Variants in DIP2A observed in about 807,000 individuals in gnomAD.
The protein encoded by DIP2A is DIP2 acetate--CoA ligase A.
DIP2A carries 85 observed loss-of-function variants against 177.4 expected under a neutral mutation model. The ratio of observed to expected loss-of-function variants is 0.48; its 90% confidence interval spans 0.40 to 0.57. The LOEUF (loss-of-function observed/expected upper bound fraction) is 0.57, where lower values mean the gene tolerates loss of function less well. Ranked by LOEUF, DIP2A falls within the 20% of genes least tolerant of loss-of-function variation. The pLI is 0.00. For synonymous variants in DIP2A, 886 were observed against 881.8 expected (o/e 1.00, Z -0.08); for missense variants, 1,791 against 2,100.2 (o/e 0.85, Z 2.88).
Position 46,459,184 on chromosome 21 carries a change from G to T in DIP2A, c.53G>T (p.Arg18Leu), listed in dbSNP as rs760957876. 2.6e-6 allele frequency: 4 copies of T among 1,524,822 alleles called. No homozygotes were observed. The South Asian group carries it at 4.9e-5, about 19-fold the overall frequency. 94.5% of individuals were successfully genotyped at this position (1,524,822 alleles called of 1,614,324 possible). Residue 18 changes from arginine to leucine, a missense_variant, in exon 1 of 38, where the codon CGG (arginine) becomes CTG (leucine). Transcript: ENST00000417564. ...LEAAPLPAEV[R>L]ESLAELELEL... ...GCGGCGCCGCTGCCTGCCGAGGTGC[G>T]GGAGAGCCTGGCTGAGCTGGAGCTG...
At chr21:46,565,969 C>T in intron 36 of DIP2A, 82 bp downstream of exon 36, 3 of 1,481,524 alleles carry the variant, frequency 2.0e-6, no homozygotes, top group Non-Finnish European at 1.9e-6. Context: ...CCTGCTAGCA[C>T]ACCTCACTCC....
chr21:46,560,068 C>T (rs758183030), intron 32 of DIP2A, among the ~76,000 whole-genome samples: 3 of 152,252 alleles, frequency 2.0e-5, no homozygotes, highest in Admixed American at 2.0e-4. Flanking sequence ...ATGCTCATAG[C>T]ATTGCCTTGG....
At chr21:46,486,911 G>T (rs1465649710) in intron 2 of DIP2A, among the ~76,000 whole-genome samples, 1 of 152,188 alleles carries the variant, frequency 6.6e-6, no homozygotes, top group Non-Finnish European at 1.5e-5. Context: ...ACATGCATCA[G>T]CAAGAATGAA....
intron 8 of DIP2A, among the ~76,000 whole-genome samples, chr21:46,517,806 G>A (rs1193943471): frequency 1.3e-5 from 2 of 152,178 alleles, no homozygotes; most frequent in African/African-American, 4.8e-5. Flanking sequence ...TGCTCCAGGT[G>A]GATACTCAGC....
downstream of DIP2A, among the ~76,000 whole-genome samples, chr21:46,571,429 T>C (rs1046140772): frequency 1.3e-5 from 2 of 152,240 alleles, no homozygotes; most frequent in South Asian, 4.1e-4. Flanking sequence ...TTTCTAATTC[T>C]GTGAAGAAAG....
Position 46,459,227 on chromosome 21 carries a change from G to A in DIP2A, c.91+5G>A. ...TGGAGCTGGAGCTGTCGGAAGGTGA[G>A]CCGGACCCCGCCCTCAACCCCCGCG... On this transcript the variant is annotated splice_donor_5th_base_variant and intron_variant, in intron 1 of 37. Coordinates refer to ENST00000417564, the MANE Select transcript of DIP2A (RefSeq NM_015151.4). 1 of 1,521,654 alleles carries A rather than the reference G, an allele frequency of 6.6e-7. No individual in the cohort carries two copies. Among genetic ancestry groups the A allele is most frequent in the Non-Finnish European group, 8.8e-7 (1 of 1,135,514 alleles). 94.3% of individuals were successfully genotyped at this position (1,521,654 alleles called of 1,614,324 possible).
chr21:46,474,110 C>G (rs2055637995), intron 1 of DIP2A, among the ~76,000 whole-genome samples: 1 of 152,106 alleles, frequency 6.6e-6, no homozygotes, highest in Admixed American at 6.6e-5. Context: ...AGAGGGCAAT[C>G]AGAAGTAGAG....
intron 1 of DIP2A, among the ~76,000 whole-genome samples, chr21:46,478,595 T>C (rs2056108182): frequency 6.6e-6 from 1 of 152,248 alleles, no homozygotes; most frequent in African/African-American, 2.4e-5. Flanking sequence ...TTCAGATTCA[T>C]GAATGTGGTA....
intron 1 of DIP2A, chr21:46,462,405 A>G (rs558463377): frequency 4.8e-4 from 73 of 152,298 alleles, no homozygotes; most frequent in African/African-American, 1.5e-3. Flanking sequence ...GTGGATTACA[A>G]TGTCTCTAAA....
At chr21:46,492,116 A>G (rs1000744168) in intron 3 of DIP2A, among the ~76,000 whole-genome samples, 1 of 151,934 alleles carries the variant, frequency 6.6e-6, no homozygotes, top group Non-Finnish European at 1.5e-5. Context: ...TAGGTTTTTT[A>G]GTGCCATTTT....
chr21:46,554,434 C>T (rs1416056309), intron 26 of DIP2A, 141 bp from the exon 27 acceptor site: 12 of 1,540,524 alleles, frequency 7.8e-6, no homozygotes, highest in Non-Finnish European at 1.1e-5. Context: ...GCCTCCTCAG[C>T]TCAGCTACCC....
chr21:46,566,508 G>A, intron 36 of DIP2A, 52 bp from the exon 37 acceptor site: 1 of 1,611,896 alleles, frequency 6.2e-7, no homozygotes, highest in Non-Finnish European at 8.5e-7. Context: ...CGAATGTCCA[G>A]ACTCTGCATG....
Position 46,566,634 on chromosome 21 carries a change from A to G in DIP2A, c.4414A>G (p.Ile1472Val), listed in dbSNP as rs2148926643. 4 of 1,614,232 alleles carry G rather than the reference A, an allele frequency of 2.5e-6. No individual in the cohort carries two copies. Among genetic ancestry groups the G allele is most frequent in the Non-Finnish European group, 2.5e-6 (3 of 1,180,026 alleles). Reference protein sequence around the residue: ...LELRGMRYHPIDIETSVIRAH... With the variant: ...LELRGMRYHPVDIETSVIRAH... ...GCTCAGAGGCATGCGGTACCACCCC[A>G]TCGACATTGAGACCTCTGTCATCCG... is the stretch of plus-strand genomic sequence containing the variant. Residue 1472 changes from isoleucine (I) to valine (V), a missense_variant, in exon 37 of 38, where the codon ATC (isoleucine) becomes GTC (valine). Ile to Val is a conservative substitution (Grantham distance 29). Coordinates refer to ENST00000417564, the MANE Select transcript of DIP2A (RefSeq NM_015151.4).
rs773493399 is a variant in DIP2A, at chr21:46,558,361, G to A, written c.3937G>A (p.Gly1313Arg). ...LPARAVSTTF[G>R]CRVNVAICLQ... ...GGCCCGCGCCGTAAGCACCACGTTC[G>A]GGTGCAGGGTCAACGTGGCCATCTG... The change falls in exon 32 of 38, where the codon GGG becomes AGG. Residue 1313 changes from glycine to arginine, a missense_variant. Transcript: ENST00000417564. The A allele has an allele frequency of 3.1e-6, 5 of 1,602,016 alleles. No individual in the cohort carries two copies. Among genetic ancestry groups the A allele is most frequent in the African/African-American group, 2.7e-5 (2 of 74,590 alleles).
At chr21:46,491,171 A>G (rs1363754223) in intron 3 of DIP2A, among the ~76,000 whole-genome samples, 2 of 152,262 alleles carry the variant, frequency 1.3e-5, no homozygotes, top group East Asian at 1.9e-4. Flanking sequence ...GCTTTTATGA[A>G]TATTTAAATT....
chr21:46,530,047 A>C (rs1011357573), intron 9 of DIP2A, among the ~76,000 whole-genome samples: 4 of 152,218 alleles, frequency 2.6e-5, no homozygotes, highest in Admixed American at 6.5e-5. Context: ...GAGTGTGGCT[A>C]GTAGCTACTG....
At chr21:46,561,079 T>A in intron 33 of DIP2A, 1 of 917,312 alleles carries the variant, frequency 1.1e-6, no homozygotes, top group Non-Finnish European at 1.3e-6. Flanking sequence ...CCTTTATCTG[T>A]CACACAACCA....
chr21:46,565,654 A>G (rs2060813310), intron 35 of DIP2A, 59 bp from the exon 36 acceptor site: 1 of 1,525,492 alleles, frequency 6.6e-7, no homozygotes. Flanking sequence ...ATGTCTCGTG[A>G]CAGAATCTGA....
At chr21:46,546,218 T>C in intron 20 of DIP2A, 1 of 1,299,800 alleles carries the variant, frequency 7.7e-7, no homozygotes, top group Non-Finnish European at 9.8e-7. Flanking sequence ...GCTTTTTATA[T>C]GGAGTGGCAG....
Sources: allele counts gnomAD v4.1 joint callset (sites outside exome capture counted in the v4.1 genomes callset), GRCh38; gene constraint gnomAD v4.1.1; transcripts MANE v1.5; gene names NCBI Gene and HGNC (gene_info 2026-07-23, HGNC 2026-07-21).